DPYD: variants seen among roughly 807,000 people sequenced by gnomAD.
DPYD encodes the protein dihydropyrimidine dehydrogenase.
In DPYD, 109 loss-of-function variants were observed where a neutral mutation model predicts 116.2. The ratio of observed to expected loss-of-function variants is 0.94; its 90% confidence interval spans 0.80 to 1.10. The LOEUF (loss-of-function observed/expected upper bound fraction) is 1.10, where lower values mean the gene tolerates loss of function less well. Ranked by LOEUF, DPYD falls within the 50% of genes least tolerant of loss-of-function variation. The pLI is 0.00. For missense variants in DPYD, 1,302 were observed against 1,254.5 expected (o/e 1.04, Z -0.57); for synonymous variants, 440 against 432.0 (o/e 1.02, Z -0.23).
chr1:97,845,118 G>A (rs897019879), intron 2 of DPYD, among the ~76,000 whole-genome samples: 2 of 152,180 alleles, frequency 1.3e-5, no homozygotes, highest in Admixed American at 6.5e-5. Flanking sequence ...ATCAATGGCA[G>A]CAATACGCAG....
intron 8 of DPYD, among the ~76,000 whole-genome samples, chr1:97,653,092 C>T (rs567988940): frequency 1.3e-5 from 2 of 152,222 alleles, no homozygotes; most frequent in South Asian, 4.2e-4. Context: ...TCTTCTCTGT[C>T]CTCCCTTTGT....
chr1:97,577,446 C>G (rs1359533305), intron 10 of DPYD, among the ~76,000 whole-genome samples: 3 of 152,148 alleles, frequency 2.0e-5, no homozygotes, highest in African/African-American at 7.2e-5. Context: ...TTTAAACCAA[C>G]CAGTTAAAAT....
At chr1:97,347,517 T>C (rs868690710) in intron 16 of DPYD, among the ~76,000 whole-genome samples, 1 of 152,080 alleles carries the variant, frequency 6.6e-6, no homozygotes, top group Non-Finnish European at 1.5e-5. Flanking sequence ...TCTTTTAATA[T>C]GTTGCTGGAT....
At chr1:97,833,073 T>G (rs1049593255) in intron 2 of DPYD, among the ~76,000 whole-genome samples, 1 of 151,874 alleles carries the variant, frequency 6.6e-6, no homozygotes, top group African/African-American at 2.4e-5. Flanking sequence ...CAGGACTTTA[T>G]TTCCATGGGA....
At chr1:97,257,434 C>CATAT in intron 18 of DPYD, among the ~76,000 whole-genome samples, 1 of 95,426 alleles carries the variant, frequency 1.0e-5, no homozygotes, top group Non-Finnish European at 1.8e-5. Context: ...CATATACATA[C>CATAT]GTATATATAT....
chr1:97,441,783 T>C lies in DPYD; in HGVS notation c.1905+8276A>G, dbSNP rs541227469. ...CTACCTTTTTTGGTGCTAGGTATTT[T>C]TGTATTCCTATAAATATTCTTCAGC... On this transcript the variant is annotated intron_variant, in intron 14 of 22. Coordinates refer to ENST00000370192, the MANE Select transcript of DPYD (RefSeq NM_000110.4). Among the ~76,000 whole-genome samples the C allele has an allele frequency of 3.3e-5, 5 of 152,316 alleles. No individual in the cohort carries two copies. In the East Asian group the frequency reaches 9.7e-4, roughly 29 times the overall value.
chr1:97,892,609 G>T (rs1672833603), intron 1 of DPYD, among the ~76,000 whole-genome samples: 1 of 151,736 alleles, frequency 6.6e-6, no homozygotes, highest in Admixed American at 6.6e-5. Context: ...CCTGGTCAAA[G>T]ACTTACATTT....
chr1:97,159,778 C>G (rs780199628), intron 20 of DPYD, among the ~76,000 whole-genome samples: 1 of 151,790 alleles, frequency 6.6e-6, no homozygotes, highest in Non-Finnish European at 1.5e-5. Flanking sequence ...ACATTCTGTT[C>G]CTTTTAATCT....
intron 21 of DPYD, among the ~76,000 whole-genome samples, chr1:97,095,101 C>A (rs577582414): frequency 6.6e-5 from 10 of 151,918 alleles, no homozygotes; most frequent in South Asian, 2.1e-4. Context: ...AGTTTAGAAC[C>A]CAGAATTTTG....
intron 2 of DPYD, among the ~76,000 whole-genome samples, chr1:97,839,210 TACGCATATTGTA>T (rs1331248150): frequency 6.6e-6 from 1 of 152,208 alleles, no homozygotes; most frequent in Non-Finnish European, 1.5e-5. Flanking sequence ...TGTTGAAAAT[TACGCATATTGTA>T]AATGGTTTAA....
At chr1:97,253,244 T>C (rs138646912) in intron 18 of DPYD, among the ~76,000 whole-genome samples, 1 of 152,128 alleles carries the variant, frequency 6.6e-6, no homozygotes, top group Non-Finnish European at 1.5e-5. Flanking sequence ...TGTTCAGAAG[T>C]GAAATAATTT....
intron 3 of DPYD, among the ~76,000 whole-genome samples, chr1:97,748,329 C>T (rs891523515): frequency 6.6e-6 from 1 of 152,068 alleles, no homozygotes; most frequent in Non-Finnish European, 1.5e-5. Context: ...TATAATTTGG[C>T]CAGGCACGGT....
chr1:97,225,869 T>G (rs527552097), intron 19 of DPYD, among the ~76,000 whole-genome samples: 3 of 152,230 alleles, frequency 2.0e-5, no homozygotes, highest in Admixed American at 2.0e-4. Flanking sequence ...AAGTCTTTAA[T>G]TCATTTTGAG....
chr1:97,423,970 C>G (rs1204127575), intron 14 of DPYD, among the ~76,000 whole-genome samples: 1 of 152,072 alleles, frequency 6.6e-6, no homozygotes, highest in African/African-American at 2.4e-5. Context: ...ACCTAGTCCT[C>G]CTGATTCTCA....
intron 6 of DPYD, among the ~76,000 whole-genome samples, chr1:97,697,877 G>A (rs1290512385): frequency 5.3e-5 from 8 of 151,888 alleles, no homozygotes; most frequent in Non-Finnish European, 1.2e-4. Flanking sequence ...CAATCAAGTG[G>A]CAAACAGATT....
At chr1:97,773,145 C>T (rs1408855514) in intron 3 of DPYD, among the ~76,000 whole-genome samples, 1 of 152,146 alleles carries the variant, frequency 6.6e-6, no homozygotes, top group African/African-American at 2.4e-5. Flanking sequence ...CTATACCCCG[C>T]TAATTTTCAA....
At chr1:97,289,881 A>G (rs548744606) in intron 18 of DPYD, among the ~76,000 whole-genome samples, 5 of 151,606 alleles carry the variant, frequency 3.3e-5, no homozygotes, top group Admixed American at 2.6e-4. Flanking sequence ...TCAATTAGGA[A>G]AAGAGGAAGT....
chr1:97,262,239 T>C (rs1234605512), intron 18 of DPYD, among the ~76,000 whole-genome samples: 3 of 152,034 alleles, frequency 2.0e-5, no homozygotes, highest in African/African-American at 7.2e-5. Flanking sequence ...ATAAAGGTAA[T>C]CTTTACGCAC....
At chr1:97,806,002 T>C (rs998675998) in intron 3 of DPYD, among the ~76,000 whole-genome samples, 2 of 151,894 alleles carry the variant, frequency 1.3e-5, no homozygotes, top group Non-Finnish European at 2.9e-5. Flanking sequence ...AAATCATAGT[T>C]GGAGATTTTA....
Sources: allele counts gnomAD v4.1 joint callset (sites outside exome capture counted in the v4.1 genomes callset), GRCh38; gene constraint gnomAD v4.1.1; transcripts MANE v1.5; gene names NCBI Gene and HGNC (gene_info 2026-07-23, HGNC 2026-07-21).